The following TANC2 variants were observed in gnomAD, a reference collection of about 807,000 sequenced individuals.
TANC2 encodes the protein protein TANC2.
Under a neutral mutation model 210.5 loss-of-function variants are expected in TANC2, and 26 were observed. The ratio of observed to expected loss-of-function variants is 0.12; its 90% CI spans 0.09 to 0.17. TANC2 has a LOEUF of 0.17. Ranked by LOEUF, TANC2 falls within the 10% of genes least tolerant of loss-of-function variation. The pLI is 1.00. For missense variants in TANC2, 2,129 were observed against 2,608.9 expected, an observed-to-expected ratio of 0.82 and a Z score of 4.01; for synonymous variants, 931 against 967.1, an observed-to-expected ratio of 0.96 and a Z score of 0.69.
intron 10 of TANC2, among the ~76,000 whole-genome samples, chr17:63,318,708 GA>G (rs2045394193): frequency 6.6e-6 from 1 of 152,052 alleles, no homozygotes. Flanking sequence ...GTAGTCTATT[GA>G]ATGGATATTT....
chr17:63,326,570 GA>G (rs918272350), intron 11 of TANC2, among the ~76,000 whole-genome samples: 10 of 149,358 alleles, frequency 6.7e-5, no homozygotes, highest in East Asian at 3.9e-4. Context: ...TTTCTATGAA[GA>G]AAAAAAAAAT....
At chr17:63,362,680 C>T (rs577068952) in intron 14 of TANC2, among the ~76,000 whole-genome samples, 1 of 152,338 alleles carries the variant, frequency 6.6e-6, no homozygotes, top group East Asian at 1.9e-4. Flanking sequence ...TACACCTGGC[C>T]GGGTCACAAC....
chr17:63,420,923 A>G lies in TANC2; in HGVS notation c.5193A>G (p.Ser1731=), dbSNP rs202199430. The G allele has an allele frequency of 5.8e-5, 94 of 1,614,052 alleles. No homozygotes were observed. Among genetic ancestry groups the G allele is most frequent in the Admixed American group, 1.2e-4 (7 of 60,032 alleles). The stretch of plus-strand genomic sequence containing the variant: ...CAATGGCCAGTAAATACCAGTCTTC[A>G]CAAGGAGACATAGGAGTCAGCCAGA... Residue 1731 remains serine (S), a synonymous_variant, in exon 28 of 28, where the codon TCA becomes TCG. Transcript: ENST00000689528. The surrounding 1 kb of genome is among the most constrained non-coding windows in gnomAD (Gnocchi z 4.2).
rs763456415 is a variant in TANC2 at position 63,015,683 on chromosome 17, G to T, written c.67+6057G>T. Among the ~76,000 whole-genome samples, 3 of 151,820 alleles carry T rather than the reference G, an allele frequency of 2.0e-5. No homozygotes were observed. In the East Asian group the frequency reaches 5.8e-4, roughly 29 times the overall value. ...TTTGAATTTTATAACAGTTAATTAA[G>T]ATTTATGATGTGAAAATTATTTTTT... is the stretch of plus-strand genomic sequence containing the variant. On this transcript the variant is annotated intron_variant, in intron 2 of 27. Transcript: ENST00000689528.
intron 2 of TANC2, among the ~76,000 whole-genome samples, chr17:63,047,660 T>C (rs191224047): frequency 2.3e-4 from 35 of 152,298 alleles, no homozygotes; most frequent in Admixed American, 1.8e-3. Context: ...TTCCAATTTA[T>C]ATACAAATAA....
chr17:63,410,860 C>CAAAAAAAAAAAA (rs34268418), intron 21 of TANC2, among the ~76,000 whole-genome samples: 5 of 39,014 alleles, frequency 1.3e-4, no homozygotes, highest in Non-Finnish European at 1.7e-4. Context: ...GACTCCATCT[C>CAAAAAAAAAAAA]AAAAAAAAAA....
intron 8 of TANC2, among the ~76,000 whole-genome samples, chr17:63,249,724 G>A (rs2043005630): frequency 6.6e-6 from 1 of 152,102 alleles, no homozygotes; most frequent in Non-Finnish European, 1.5e-5. Flanking sequence ...TCAAAAATGG[G>A]CTTTTCAGCA....
chr17:63,066,295 C>T lies in TANC2; in HGVS notation c.68-7648C>T, dbSNP rs139312233. ...TAGGAGCCTGCCTATAGCATCAGGT[C>T]CCTTGGAATGGCCTGGCGGTGAGAT... On this transcript the variant is annotated intron_variant, in intron 2 of 27. Transcript: ENST00000689528. Among the ~76,000 whole-genome samples, 262 of 152,088 alleles carry T rather than the reference C, an allele frequency of 1.7e-3. 1 individual carries two copies. The highest frequency in any genetic ancestry group is 6.1e-3 in the African/African-American group (252 of 41,472).
chr17:62,985,637 C>G (rs2032530140), intron 1 of TANC2, among the ~76,000 whole-genome samples: 2 of 152,000 alleles, frequency 1.3e-5, no homozygotes, highest in South Asian at 4.2e-4. Context: ...TCTGCTTGGT[C>G]TAATCTATTG....
intron 4 of TANC2, among the ~76,000 whole-genome samples, chr17:63,144,336 A>G (rs942798245): frequency 1.3e-5 from 2 of 152,190 alleles, no homozygotes; most frequent in Non-Finnish European, 2.9e-5. Context: ...ACTAGTGGCC[A>G]CATACTAATT....
intron 11 of TANC2, among the ~76,000 whole-genome samples, chr17:63,326,682 A>G (rs536963896): frequency 2.6e-5 from 4 of 152,198 alleles, no homozygotes; most frequent in Non-Finnish European, 5.9e-5. Flanking sequence ...GTGAGCCACA[A>G]TCATGCCACT....
chr17:62,997,833 A>G (rs909293292), intron 1 of TANC2, among the ~76,000 whole-genome samples: 3 of 152,218 alleles, frequency 2.0e-5, no homozygotes, highest in African/African-American at 4.8e-5. Flanking sequence ...GAATAAGCCA[A>G]TCCACCACAA....
intron 1 of TANC2, among the ~76,000 whole-genome samples, chr17:62,997,184 G>T (rs1196635542): frequency 1.3e-5 from 2 of 149,800 alleles, no homozygotes; most frequent in Admixed American, 1.3e-4. Flanking sequence ...CACCCAGGCT[G>T]GCGTGCAGTG....
intron 7 of TANC2, among the ~76,000 whole-genome samples, chr17:63,202,804 ATTATAT>A (rs897742845): frequency 1.8e-4 from 27 of 152,212 alleles, no homozygotes; most frequent in African/African-American, 6.5e-4. Flanking sequence ...CAGCCATACT[ATTATAT>A]TTATATAAGT....
At chr17:63,355,593 A>G (rs568094269) in intron 14 of TANC2, among the ~76,000 whole-genome samples, 2 of 152,338 alleles carry the variant, frequency 1.3e-5, no homozygotes, top group East Asian at 1.9e-4. Flanking sequence ...CAACATCTGC[A>G]TAGATATTTA....
intron 10 of TANC2, among the ~76,000 whole-genome samples, chr17:63,318,382 A>C (rs915613547): frequency 3.3e-5 from 5 of 152,252 alleles, no homozygotes; most frequent in African/African-American, 1.2e-4. Context: ...CGTTCAACTC[A>C]GTATTTTTAG....
chr17:63,262,882 C>T (rs1476905519), intron 8 of TANC2, among the ~76,000 whole-genome samples: 1 of 152,136 alleles, frequency 6.6e-6, no homozygotes, highest in Non-Finnish European at 1.5e-5. Context: ...GATACCTCTT[C>T]TGGGTAGTTT....
intron 4 of TANC2, among the ~76,000 whole-genome samples, chr17:63,128,758 C>T (rs2038806366): frequency 6.6e-6 from 1 of 152,118 alleles, no homozygotes; most frequent in Non-Finnish European, 1.5e-5. Flanking sequence ...TGGGAGAATC[C>T]TGAGAAAAAC....
At chr17:63,239,671 C>T (rs1477887194) in intron 8 of TANC2, among the ~76,000 whole-genome samples, 1 of 152,106 alleles carries the variant, frequency 6.6e-6, no homozygotes, top group Non-Finnish European at 1.5e-5. Flanking sequence ...ATGTCAATCC[C>T]CAACTACCAT....
Sources: allele counts gnomAD v4.1 joint callset (sites outside exome capture counted in the v4.1 genomes callset), GRCh38; gene constraint gnomAD v4.1.1; non-coding constraint Gnocchi (gnomAD v3.1); transcripts MANE v1.5; gene names NCBI Gene and HGNC (gene_info 2026-07-23, HGNC 2026-07-21).